Variants in NPAT observed in about 807,000 individuals in gnomAD.
NPAT encodes the protein nuclear protein, coactivator of histone transcription.
In NPAT, 52 loss-of-function variants were observed where a neutral mutation model predicts 130.7. The observed-to-expected ratio is 0.40, with a 90% CI of 0.32 to 0.50. The LOEUF is 0.50. Among genes scored for constraint, NPAT ranks in the 20% least tolerant of loss-of-function variants. NPAT has a pLI of 0.68. For missense variants in NPAT, 1,687 were observed against 1,662.6 expected (o/e 1.01, Z -0.26); for synonymous variants, 580 against 584.8 (o/e 0.99, Z 0.12).
chr11:108,212,693 C>G (rs1057261971), intron 1 of NPAT, among the ~76,000 whole-genome samples: 1 of 151,810 alleles, frequency 6.6e-6, no homozygotes, highest in Non-Finnish European at 1.5e-5. Context: ...ACCTATAATC[C>G]CAGCACTCTG....
intron 12 of NPAT, among the ~76,000 whole-genome samples, chr11:108,174,443 T>C (rs1328551173): frequency 6.6e-6 from 1 of 151,846 alleles, no homozygotes; most frequent in Non-Finnish European, 1.5e-5. Flanking sequence ...TTGGAGAGGT[T>C]AGTCAAGGAA....
rs1259722323 is a variant in NPAT, at chr11:108,172,708, G to A, written c.2276C>T (p.Ala759Val). ...GTTTTCTCCATTAATACTAGAAACA[G>A]CACTGGTAAGTTCAGTATCTGAGGA... ...FVSSDTELTS[A>V]VSSINGENLP... The change falls in exon 13 of 18, where the codon GCT (alanine) becomes GTT (valine). Residue 759 changes from alanine (A) to valine (V), a missense_variant. Physicochemically the swap from Ala to Val is moderately conservative, Grantham distance 64. Coordinates refer to ENST00000278612, the MANE Select transcript of NPAT (RefSeq NM_002519.3). 1 of 1,613,666 alleles carries A rather than the reference G, an allele frequency of 6.2e-7. No individual in the cohort carries two copies. The highest frequency in any genetic ancestry group is 8.5e-7 in the Non-Finnish European group (1 of 1,180,026).
Position 108,172,270 on chromosome 11 carries a change from T to A in NPAT, c.2714A>T (p.Gln905Leu). 1 of 1,613,920 alleles carries A rather than the reference T, an allele frequency of 6.2e-7. No homozygotes were observed. Among genetic ancestry groups the A allele is most frequent in the Middle Eastern group, 1.6e-4 (1 of 6,062 alleles). ...APMTAQPLPPQLQTPPRSNSV... is the reference protein window; with the variant it reads ...APMTAQPLPPLLQTPPRSNSV... The stretch of plus-strand genomic sequence containing the variant: ...GTTTGACCTTGGTGGTGTCTGTAAC[T>A]GAGGTGGTAGAGGTTGAGCAGTCAT... The change falls in exon 13 of 18, where the codon CAG becomes CTG. Residue 905 changes from glutamine (Q) to leucine (L), a missense_variant. Physicochemically the swap from Gln to Leu is moderately radical, Grantham distance 113 (BLOSUM62 -2). Transcript: ENST00000278612.
chr11:108,220,196 G>T (rs991046773), intron 1 of NPAT, among the ~76,000 whole-genome samples: 3 of 152,188 alleles, frequency 2.0e-5, no homozygotes, highest in African/African-American at 4.8e-5. Context: ...ACAACATTTT[G>T]TAAAATCCCA....
At chr11:108,219,070 T>C (rs1002667264) in intron 1 of NPAT, among the ~76,000 whole-genome samples, 1 of 152,186 alleles carries the variant, frequency 6.6e-6, no homozygotes, top group Non-Finnish European at 1.5e-5. Flanking sequence ...TTCTTGACCC[T>C]TCTGTCGCTC....
intron 1 of NPAT, among the ~76,000 whole-genome samples, chr11:108,198,523 C>G (rs1029233557): frequency 6.6e-6 from 1 of 152,008 alleles, no homozygotes; most frequent in Non-Finnish European, 1.5e-5. Flanking sequence ...GGGTAGGGTA[C>G]CCGGTGAAAC....
At chr11:108,214,825 G>C (rs879921809) in intron 1 of NPAT, among the ~76,000 whole-genome samples, 1 of 152,104 alleles carries the variant, frequency 6.6e-6, no homozygotes, top group Non-Finnish European at 1.5e-5. Context: ...TAGAGATGGG[G>C]TTTTGCCATG....
At chr11:108,165,785 C>A (rs974616740) in intron 15 of NPAT, among the ~76,000 whole-genome samples, 1 of 151,940 alleles carries the variant, frequency 6.6e-6, no homozygotes, top group Non-Finnish European at 1.5e-5. Context: ...AGGCACCCAC[C>A]ACCACGCCTG....
intron 2 of NPAT, among the ~76,000 whole-genome samples, chr11:108,194,801 C>G (rs2078204415): frequency 6.6e-6 from 1 of 151,956 alleles, no homozygotes; most frequent in Non-Finnish European, 1.5e-5. Context: ...AGGTGTGAGC[C>G]ATCACGCCTG....
chr11:108,159,102 G>A (rs2077822267), intron 17 of NPAT, 83 bp from the exon 18 acceptor site: 1 of 821,630 alleles, frequency 1.2e-6, no homozygotes, highest in Non-Finnish European at 2.0e-6. Flanking sequence ...AGTATATTGG[G>A]TTCTTTCACA....
chr11:108,206,871 T>C (rs933103121), intron 1 of NPAT, among the ~76,000 whole-genome samples: 2 of 152,148 alleles, frequency 1.3e-5, no homozygotes, highest in African/African-American at 2.4e-5. Context: ...GTAGCTCCTT[T>C]CCGTAGGCAG....
intron 1 of NPAT, among the ~76,000 whole-genome samples, chr11:108,197,649 A>T (rs2078236158): frequency 6.6e-6 from 1 of 152,252 alleles, no homozygotes; most frequent in Non-Finnish European, 1.5e-5. Flanking sequence ...AACTAGTAAA[A>T]TAAAGTGTTT....
chr11:108,176,987 T>C lies in NPAT; in HGVS notation c.1003+7A>G. 1 of 1,576,140 alleles carries C rather than the reference T, an allele frequency of 6.3e-7. No homozygotes were observed. Among genetic ancestry groups the C allele is most frequent in the East Asian group, 2.2e-5 (1 of 44,606 alleles). On this transcript the variant is annotated splice_region_variant and intron_variant, in intron 11 of 17. Transcript: ENST00000278612. The stretch of plus-strand genomic sequence containing the variant: ...TTTTTCTGTCTTGAAATAAATAGTC[T>C]CCTTACCATAGTCAAAGAGATCAAA...
intron 3 of NPAT, among the ~76,000 whole-genome samples, chr11:108,192,939 G>A (rs1221940030): frequency 1.3e-5 from 2 of 151,764 alleles, no homozygotes; most frequent in Admixed American, 6.6e-5. Context: ...GGGCAACAGA[G>A]CGAGACTCCC....
intron 1 of NPAT, among the ~76,000 whole-genome samples, chr11:108,203,929 T>G (rs2078298788): frequency 6.6e-6 from 1 of 152,202 alleles, no homozygotes; most frequent in African/African-American, 2.4e-5. Context: ...TTAACCTCCT[T>G]GTAAAATTTG....
At chr11:108,170,303 G>T (rs983854625) in intron 13 of NPAT, 1 of 423,404 alleles carries the variant, frequency 2.4e-6, no homozygotes, top group African/African-American at 2.0e-5. Flanking sequence ...TATTCAGTCA[G>T]TGAACCATGC....
At chr11:108,198,546 A>G (rs2078245767) in intron 1 of NPAT, among the ~76,000 whole-genome samples, 1 of 152,168 alleles carries the variant, frequency 6.6e-6, no homozygotes, top group African/African-American at 2.4e-5. Context: ...GACAACTTTC[A>G]AGCCAAAGAC....
In NPAT at chr11:108,158,521, A is replaced by T. The variant is rs762060580; in HGVS notation, c.*421T>A. On this transcript the variant is annotated 3_prime_UTR_variant, in exon 18 of 18. Coordinates refer to ENST00000278612, the MANE Select transcript of NPAT (RefSeq NM_002519.3). ...ATTGAATAGTTACTGAAGGTAATTTATAAGAATAAGCATCATTTTCCTCCA... is the reference window on the plus strand; with the variant it reads ...ATTGAATAGTTACTGAAGGTAATTTTTAAGAATAAGCATCATTTTCCTCCA... 1 of 160,496 alleles carries T rather than the reference A, an allele frequency of 6.2e-6. No individual in the cohort carries two copies. Among genetic ancestry groups the T allele is most frequent in the African/African-American group, 2.4e-5 (1 of 41,500 alleles). 9.9% of individuals were successfully genotyped at this position (160,496 alleles called of 1,614,324 possible). A position where few individuals can be genotyped will look rare whatever the true frequency, so the allele number is the denominator to read the frequency against.
At position 108,172,275 on chromosome 11, in the gene NPAT, T is replaced by C; in HGVS notation, c.2709A>G (p.Pro903=). The change falls in exon 13 of 18, where the codon CCA becomes CCG. Residue 903 remains proline, a synonymous_variant. Coordinates refer to ENST00000278612, the MANE Select transcript of NPAT (RefSeq NM_002519.3). ...NSAPMTAQPL[P]PQLQTPPRSN... is the part of the protein sequence containing the mutation. ...ACCTTGGTGGTGTCTGTAACTGAGG[T>C]GGTAGAGGTTGAGCAGTCATAGGTG... The C allele has an allele frequency of 6.2e-7, 1 of 1,613,826 alleles. No individual in the cohort carries two copies. The highest frequency in any genetic ancestry group is 8.5e-7 in the Non-Finnish European group (1 of 1,179,734).
Sources: allele counts gnomAD v4.1 joint callset (sites outside exome capture counted in the v4.1 genomes callset), GRCh38; gene constraint gnomAD v4.1.1; transcripts MANE v1.5; gene names NCBI Gene and HGNC (gene_info 2026-07-23, HGNC 2026-07-21).